The following EGF variants were observed in gnomAD, a reference collection of about 807,000 sequenced individuals.
EGF encodes the protein epidermal growth factor, also known as pro-epidermal growth factor.
EGF carries 95 observed loss-of-function variants against 143.8 expected under a neutral mutation model. That is an observed-to-expected ratio of 0.66 (90% CI 0.56 to 0.78). The LOEUF (loss-of-function observed/expected upper bound fraction) is 0.78, where lower values mean the gene tolerates loss of function less well. Ranked by LOEUF, EGF falls within the 30% of genes least tolerant of loss-of-function variation. EGF has a pLI of 0.00. For missense variants in EGF, 1,320 were observed against 1,470.9 expected (o/e 0.90, Z 1.68); for synonymous variants, 510 against 510.5 (o/e 1.00, Z 0.01).
chr4:109,974,832 C>G (rs1284169060), intron 12 of EGF, 25 bp downstream of exon 12: 1 of 1,572,050 alleles, frequency 6.4e-7, no homozygotes, highest in East Asian at 2.2e-5. Context: ...AAATAAGGCA[C>G]TGCTCTGCAG....
chr4:109,915,355 C>A (rs1454212744), intron 1 of EGF, among the ~76,000 whole-genome samples: 5 of 152,136 alleles, frequency 3.3e-5, no homozygotes, highest in African/African-American at 1.2e-4. Context: ...TAGCATGTAC[C>A]AAAGCATGGT....
intron 1 of EGF, among the ~76,000 whole-genome samples, chr4:109,915,429 A>AG (rs1371511176): frequency 6.6e-6 from 1 of 152,190 alleles, no homozygotes; most frequent in Non-Finnish European, 1.5e-5. Flanking sequence ...ATCTCTGATC[A>AG]AGTCATACGA....
At position 109,980,911 on chromosome 4, in the gene EGF, A is replaced by T; in HGVS notation, c.2307A>T (p.Glu769Asp). Residue 769 changes from glutamate to aspartate, a missense_variant, in exon 15 of 24, where the codon GAA becomes GAT. By Grantham distance (45) the Glu-to-Asp change is conservative. Around this residue, in one of 5 missense-constraint regions of EGF, gnomAD observed 1,186 missense variants for 1,313.7 expected, o/e 0.90. Transcript: ENST00000265171. The part of the protein sequence containing the change: ...RLGTAWCSCR[E>D]GFMKASDGKT... ...GAACTGCTTGGTGTTCGTGTCGTGA[A>T]GGTTTTATGAAAGCCTCAGATGGGA... 5 of 1,614,178 alleles carry T rather than the reference A, an allele frequency of 3.1e-6. No homozygotes were observed. The highest frequency in any genetic ancestry group is 2.5e-6 in the Non-Finnish European group (3 of 1,180,010).
At chr4:109,915,715 C>T (rs899556389) in intron 1 of EGF, among the ~76,000 whole-genome samples, 12 of 152,202 alleles carry the variant, frequency 7.9e-5, no homozygotes, top group Non-Finnish European at 1.8e-4. Flanking sequence ...TTAAATTCTA[C>T]TTGCCTTATT....
chr4:109,948,804 A>G (rs887557715), intron 5 of EGF, among the ~76,000 whole-genome samples: 4 of 151,974 alleles, frequency 2.6e-5, no homozygotes, highest in African/African-American at 9.7e-5. Flanking sequence ...AGATGTAAAG[A>G]CATACTTCTC....
chr4:109,985,695 T>C (rs768642009), intron 16 of EGF, among the ~76,000 whole-genome samples: 2 of 152,246 alleles, frequency 1.3e-5, no homozygotes, highest in Admixed American at 6.5e-5. Flanking sequence ...ACCTCACTTC[T>C]GCCCCTTGAT....
intron 4 of EGF, 135 bp downstream of exon 4, chr4:109,944,204 C>A: frequency 1.0e-6 from 1 of 976,978 alleles, no homozygotes; most frequent in Non-Finnish European, 1.6e-6. Flanking sequence ...TTGAGTTTGG[C>A]CGGGCGCGGC....
At chr4:109,979,128 G>T (rs1041716280) in intron 13 of EGF, among the ~76,000 whole-genome samples, 2 of 152,192 alleles carry the variant, frequency 1.3e-5, no homozygotes, top group Non-Finnish European at 2.9e-5. Flanking sequence ...TTTGGTGAAG[G>T]TGGGCTCAGA....
chr4:110,000,510 C>T (rs775897378), intron 21 of EGF, among the ~76,000 whole-genome samples: 4 of 152,098 alleles, frequency 2.6e-5, no homozygotes, highest in Non-Finnish European at 4.4e-5. Context: ...GTTGATTTTC[C>T]ACAAAATATT....
intron 20 of EGF, among the ~76,000 whole-genome samples, chr4:109,999,260 T>C (rs1280333839): frequency 1.3e-5 from 2 of 152,218 alleles, no homozygotes; most frequent in African/African-American, 2.4e-5. Context: ...TGAGGAACTC[T>C]GCCTTCAAAT....
chr4:109,941,287 C>A, intron 2 of EGF, 142 bp downstream of exon 2: 2 of 756,296 alleles, frequency 2.6e-6, no homozygotes. Flanking sequence ...TTTATTTAAT[C>A]TACATCTGTG....
At position 110,011,340 on chromosome 4, in the gene EGF, A is replaced by C; in HGVS notation, c.3509A>C (p.Tyr1170Ser). 6.2e-7 allele frequency: 1 copy of C among 1,614,076 alleles called. No homozygotes were observed. The highest frequency in any genetic ancestry group is 8.5e-7 in the Non-Finnish European group (1 of 1,179,992). ...GAGCGAAGCTTTCATATGCCCTCCT[A>C]TGGGACACAGACCCTTGAAGGGGGT... ...VMERSFHMPSYGTQTLEGGVE... is the reference protein window; with the variant it reads ...VMERSFHMPSSGTQTLEGGVE... The change falls in exon 24 of 24, where the codon TAT (tyrosine) becomes TCT (serine). Residue 1170 changes from tyrosine to serine, a missense_variant. By Grantham distance (144) the Tyr-to-Ser change is moderately radical (BLOSUM62 -2). Transcript: ENST00000265171.
rs1414943755 is a variant in EGF at position 109,987,828 on chromosome 4, A to C, written c.2576A>C (p.Lys859Thr). The stretch of plus-strand genomic sequence containing the variant: ...GAGGATGCCACATGTCAGTGTTTGA[A>C]AGGATTTGCTGGGGATGGAAAACTA... ...EGEDATCQCL[K>T]GFAGDGKLCS... is the part of the protein sequence containing the mutation. Residue 859 changes from lysine to threonine, a missense_variant, in exon 17 of 24, where the codon AAA becomes ACA. Coordinates refer to ENST00000265171, the MANE Select transcript of EGF (RefSeq NM_001963.6). The C allele has an allele frequency of 6.2e-7, 1 of 1,613,886 alleles. No homozygotes were observed. Among genetic ancestry groups the C allele is most frequent in the South Asian group, 1.1e-5 (1 of 91,086 alleles).
At chr4:109,989,722 T>C (rs937081692) in intron 18 of EGF, among the ~76,000 whole-genome samples, 3 of 152,238 alleles carry the variant, frequency 2.0e-5, no homozygotes, top group Non-Finnish European at 4.4e-5. Context: ...TTTAATTTCC[T>C]TTGAAGAGAA....
At position 110,002,667 on chromosome 4, in the gene EGF, A is replaced by T. The variant is rs555165066; in HGVS notation, c.3174-1838A>T. 3.0e-3 allele frequency among the ~76,000 whole-genome samples: 450 copies of T among 151,640 alleles called. 3 individuals are homozygous for T. The highest frequency in any genetic ancestry group is 4.8e-3 in the Non-Finnish European group (329 of 67,876). Reference sequence around the variant, plus strand: ...TTTGTTTTTTTGTGGGTTTTTTTTTAACTTTTATTTTAGGTTCAGGGGTAT... The same window carrying T: ...TTTGTTTTTTTGTGGGTTTTTTTTTTACTTTTATTTTAGGTTCAGGGGTAT... On this transcript the variant is annotated intron_variant, in intron 21 of 23. Coordinates refer to ENST00000265171, the MANE Select transcript of EGF (RefSeq NM_001963.6).
chr4:110,010,065 C>T (rs887162582), intron 23 of EGF, among the ~76,000 whole-genome samples: 1 of 152,126 alleles, frequency 6.6e-6, no homozygotes, highest in Non-Finnish European at 1.5e-5. Context: ...ATGAGACCAG[C>T]CTGTCTCTAT....
intron 2 of EGF, among the ~76,000 whole-genome samples, chr4:109,942,571 C>T (rs1742104746): frequency 6.6e-6 from 1 of 152,216 alleles, no homozygotes; most frequent in Non-Finnish European, 1.5e-5. Context: ...ATTGGGGCTT[C>T]TGCCCACCTT....
At position 109,954,222 on chromosome 4, in the gene EGF, T is replaced by C. The variant is rs2298984; in HGVS notation, c.941-5090T>C. Among the ~76,000 whole-genome samples the C allele has an allele frequency of 0.013, 1,982 of 152,210 alleles. 207 individuals carry two copies. In the East Asian group the frequency reaches 0.23, roughly 18 times the overall value. ...ACATGCCACCACACCTGGCTAATTT[T>C]TGTATTTTTAGTAGAGATGGGGTTT... is the stretch of plus-strand genomic sequence containing the variant. On this transcript the variant is annotated intron_variant, in intron 5 of 23. Coordinates refer to ENST00000265171, the MANE Select transcript of EGF (RefSeq NM_001963.6).
At chr4:110,008,977 T>C (rs1753672636) in intron 23 of EGF, among the ~76,000 whole-genome samples, 2 of 152,220 alleles carry the variant, frequency 1.3e-5, no homozygotes. Context: ...ACAGCTCCTC[T>C]GCTAATGAAA....
Sources: allele counts gnomAD v4.1 joint callset (sites outside exome capture counted in the v4.1 genomes callset), GRCh38; gene constraint gnomAD v4.1.1; regional missense constraint gnomAD v4.1.1; transcripts MANE v1.5; gene names NCBI Gene and HGNC (gene_info 2026-07-23, HGNC 2026-07-21).